The following TTBK2 variants were observed in gnomAD, a reference collection of about 807,000 sequenced individuals.
TTBK2 encodes the protein tau tubulin kinase 2, also known as tau-tubulin kinase 2.
In TTBK2, 28 loss-of-function variants were observed where a neutral mutation model predicts 110.8. The ratio of observed to expected loss-of-function variants is 0.25; its 90% CI spans 0.19 to 0.35. The LOEUF (loss-of-function observed/expected upper bound fraction) is 0.35, where lower values mean the gene tolerates loss of function less well. Among genes scored for constraint, TTBK2 ranks in the 10% least tolerant of loss-of-function variants. The pLI is 1.00. For synonymous variants in TTBK2, 532 were observed against 527.3 expected (o/e 1.01, Z -0.12); for missense variants, 1,369 against 1,500.3 (o/e 0.91, Z 1.45).
chr15:42,795,203 A>G (rs1890881908), intron 9 of TTBK2, among the ~76,000 whole-genome samples: 1 of 152,108 alleles, frequency 6.6e-6, no homozygotes, highest in Admixed American at 6.6e-5. Flanking sequence ...AGCCAGTGTT[A>G]ACATGTAACG....
At chr15:42,920,986 C>G (rs2031342695), upstream of TTBK2, among the ~76,000 whole-genome samples, 1 of 152,200 alleles carries the variant, frequency 6.6e-6, no homozygotes, top group Non-Finnish European at 1.5e-5. Flanking sequence ...CGCCCCCCAC[C>G]GGAGAATTGC....
intron 9 of TTBK2, 54 bp from the exon 10 acceptor site, chr15:42,794,855 AT>A: frequency 6.3e-7 from 1 of 1,597,854 alleles, no homozygotes. Context: ...TAGTCACTTT[AT>A]TCTATAAGAG....
chr15:42,831,096 C>T (rs1892741907), intron 4 of TTBK2, among the ~76,000 whole-genome samples: 1 of 151,790 alleles, frequency 6.6e-6, no homozygotes, highest in Non-Finnish European at 1.5e-5. Context: ...GCACTAATTC[C>T]TCATTACTGC....
At chr15:42,843,126 AAC>A (rs1893299754) in intron 3 of TTBK2, among the ~76,000 whole-genome samples, 2 of 152,220 alleles carry the variant, frequency 1.3e-5, no homozygotes, top group African/African-American at 2.4e-5. Context: ...CAAAAACTGT[AAC>A]AGTGAGAGAC....
chr15:42,764,528 T>C (rs866691534), intron 13 of TTBK2, among the ~76,000 whole-genome samples: 35 of 152,340 alleles, frequency 2.3e-4, no homozygotes, highest in Admixed American at 1.1e-3. Context: ...TGAGATCAAC[T>C]TGTGAGGCAG....
chr15:42,863,157 C>T (rs1158730085), intron 3 of TTBK2, among the ~76,000 whole-genome samples: 1 of 152,010 alleles, frequency 6.6e-6, no homozygotes, highest in Non-Finnish European at 1.5e-5. Flanking sequence ...GATTCTACAC[C>T]TAGAACACCC....
At chr15:42,829,673 T>A (rs1892669964) in intron 5 of TTBK2, among the ~76,000 whole-genome samples, 1 of 152,206 alleles carries the variant, frequency 6.6e-6, no homozygotes, top group East Asian at 1.9e-4. Context: ...TAGCTGGGAC[T>A]ATGGGCATGT....
intron 14 of TTBK2, among the ~76,000 whole-genome samples, chr15:42,747,145 T>C (rs1338502068): frequency 6.6e-6 from 1 of 152,034 alleles, no homozygotes; most frequent in Non-Finnish European, 1.5e-5. Context: ...AATTTTTATA[T>C]TTTGTGTAGA....
At chr15:42,862,999 C>T (rs890667636) in intron 3 of TTBK2, among the ~76,000 whole-genome samples, 6 of 152,090 alleles carry the variant, frequency 3.9e-5, no homozygotes, top group Non-Finnish European at 8.8e-5. Context: ...CCCATGAGAA[C>T]TGGAATAAGA....
intron 13 of TTBK2, among the ~76,000 whole-genome samples, chr15:42,765,410 G>C (rs1177088265): frequency 6.6e-6 from 1 of 152,202 alleles, no homozygotes; most frequent in South Asian, 2.1e-4. Context: ...AAACAGCGTA[G>C]AGAAGACCTT....
chr15:42,885,636 C>T (rs535137461), intron 1 of TTBK2, among the ~76,000 whole-genome samples: 20 of 152,296 alleles, frequency 1.3e-4, no homozygotes, highest in Admixed American at 3.3e-4. Context: ...CAGCAAGCAC[C>T]GCCTTTCTGG....
At chr15:42,792,436 G>A (rs953571646) in intron 10 of TTBK2, among the ~76,000 whole-genome samples, 11 of 151,962 alleles carry the variant, frequency 7.2e-5, no homozygotes, top group African/African-American at 2.4e-4. Flanking sequence ...CTCCACTAAT[G>A]AAGGACACTT....
At chr15:42,796,533 A>G (rs1282474126) in intron 9 of TTBK2, among the ~76,000 whole-genome samples, 1 of 152,174 alleles carries the variant, frequency 6.6e-6, no homozygotes, top group Non-Finnish European at 1.5e-5. Context: ...GAAGAGAAAG[A>G]CTCAGCAAAG....
intron 1 of TTBK2, among the ~76,000 whole-genome samples, chr15:42,893,784 C>T (rs1188110680): frequency 6.6e-6 from 1 of 151,788 alleles, no homozygotes; most frequent in East Asian, 1.9e-4. Flanking sequence ...AGGAATGAAA[C>T]AGGGGTTATC....
intron 3 of TTBK2, among the ~76,000 whole-genome samples, chr15:42,854,757 G>A (rs1893862928): frequency 6.6e-6 from 1 of 152,056 alleles, no homozygotes; most frequent in Admixed American, 6.6e-5. Context: ...ACACGGTCTT[G>A]GGACTCGGAG....
rs770298532 is a variant in TTBK2, at chr15:42,751,960, G to C, written c.3272+14C>G. ...GTGTTACACACTTAACACAGGGAGA[G>C]CACACAGCATTACCTGGCTTCTACT... On this transcript the variant is annotated intron_variant, in intron 14 of 14. Coordinates refer to ENST00000267890, the MANE Select transcript of TTBK2 (RefSeq NM_173500.4). 6 of 1,614,014 alleles carry C rather than the reference G, an allele frequency of 3.7e-6. No individual in the cohort carries two copies. In the South Asian group the frequency reaches 6.6e-5, roughly 18 times the overall value.
At chr15:42,794,584 AT>A in intron 10 of TTBK2, 59 bp downstream of exon 10, 1 of 1,613,072 alleles carries the variant, frequency 6.2e-7, no homozygotes, top group South Asian at 1.1e-5. Context: ...GATGAAGTAA[AT>A]TTTTGCAAAT....
chr15:42,770,072 G>A (rs1429626407), intron 13 of TTBK2, among the ~76,000 whole-genome samples: 2 of 148,080 alleles, frequency 1.4e-5, no homozygotes, highest in Non-Finnish European at 3.0e-5. Context: ...TGGACACAGG[G>A]TGGGGAACAT....
At chr15:42,838,085 G>A (rs555198903) in intron 4 of TTBK2, among the ~76,000 whole-genome samples, 2 of 152,168 alleles carry the variant, frequency 1.3e-5, no homozygotes, top group South Asian at 4.2e-4. Context: ...GCGACTACCT[G>A]TAATCCCAGC....
Sources: gnomAD v4.1 joint callset for allele counts (sites outside exome capture counted in the v4.1 genomes callset) on GRCh38, gnomAD v4.1.1 for gene constraint, MANE v1.5 for transcripts, NCBI Gene and HGNC (gene_info 2026-07-23, HGNC 2026-07-21) for gene names.